CPEB3: variants seen among roughly 807,000 people sequenced by gnomAD.
CPEB3 encodes cytoplasmic polyadenylation element binding protein 3.
CPEB3 carries 20 observed loss-of-function variants against 67.2 expected under a neutral mutation model. The ratio of observed to expected loss-of-function variants is 0.30; its 90% CI spans 0.21 to 0.43. CPEB3 has a LOEUF of 0.43. Ranked by LOEUF, CPEB3 falls within the 20% of genes least tolerant of loss-of-function variation. The pLI, the probability that CPEB3 is intolerant of heterozygous loss-of-function variation, is 1.00. For missense variants in CPEB3, 746 were observed against 968.6 expected, an observed-to-expected ratio of 0.77 and a Z score of 3.05; for synonymous variants, 376 against 393.1, an observed-to-expected ratio of 0.96 and a Z score of 0.51.
chr10:92,224,914 A>T (rs537868585), intron 2 of CPEB3, among the ~76,000 whole-genome samples: 345 of 147,652 alleles, frequency 2.3e-3, no homozygotes, highest in Non-Finnish European at 4.2e-3. Flanking sequence ...TATTTTATAT[A>T]TTTAATAATT....
At chr10:92,259,994 C>G (rs1590560373) in intron 1 of CPEB3, among the ~76,000 whole-genome samples, 2 of 152,172 alleles carry the variant, frequency 1.3e-5, no homozygotes, top group East Asian at 3.8e-4. Flanking sequence ...GACCTAATTT[C>G]AGTTCTGCTT....
intron 2 of CPEB3, among the ~76,000 whole-genome samples, chr10:92,199,641 G>A (rs1314239405): frequency 2.4e-5 from 3 of 126,816 alleles, no homozygotes; most frequent in African/African-American, 6.3e-5. Flanking sequence ...CCGAGATCAC[G>A]CCACCGTACT....
chr10:92,281,038 G>A (rs1269670134), intron 1 of CPEB3, among the ~76,000 whole-genome samples: 1 of 151,836 alleles, frequency 6.6e-6, no homozygotes, highest in Non-Finnish European at 1.5e-5. Flanking sequence ...GGGATTACAG[G>A]CATGAACCAC....
chr10:92,066,189 T>C (rs966662559), intron 9 of CPEB3, among the ~76,000 whole-genome samples: 1 of 152,164 alleles, frequency 6.6e-6, no homozygotes, highest in African/African-American at 2.4e-5. Context: ...AAAGTTCTCC[T>C]TTTTAAAAAA....
At chr10:92,267,972 C>T (rs1853136199) in intron 1 of CPEB3, among the ~76,000 whole-genome samples, 1 of 152,092 alleles carries the variant, frequency 6.6e-6, no homozygotes, top group African/African-American at 2.4e-5. Context: ...GCACGCACCA[C>T]AATGCCCAGC....
chr10:92,069,916 G>A (rs1471485529), intron 9 of CPEB3, among the ~76,000 whole-genome samples: 2 of 152,130 alleles, frequency 1.3e-5, no homozygotes, highest in African/African-American at 4.8e-5. Flanking sequence ...AAATACTAAA[G>A]GGAATATCAA....
intron 6 of CPEB3, among the ~76,000 whole-genome samples, chr10:92,115,607 TTTAA>T (rs1358294729): frequency 1.3e-5 from 2 of 152,170 alleles, no homozygotes; most frequent in East Asian, 1.9e-4. Flanking sequence ...AAGTGAAACA[TTTAA>T]TTGTGTTCAT....
chr10:92,245,674 C>T (rs1220500181), intron 1 of CPEB3, among the ~76,000 whole-genome samples: 1 of 152,142 alleles, frequency 6.6e-6, no homozygotes, highest in East Asian at 1.9e-4. Flanking sequence ...AGGATCAACC[C>T]AAGGTTAATG....
intron 7 of CPEB3, among the ~76,000 whole-genome samples, chr10:92,094,360 T>C (rs1320843004): frequency 2.0e-5 from 3 of 150,254 alleles, no homozygotes; most frequent in Non-Finnish European, 3.0e-5. Context: ...CCCAGCACTT[T>C]GGGAGGCCGA....
intron 1 of CPEB3, among the ~76,000 whole-genome samples, chr10:92,260,444 G>C (rs967669908): frequency 6.6e-6 from 1 of 151,098 alleles, no homozygotes; most frequent in Admixed American, 6.6e-5. Flanking sequence ...CCAGCTACTC[G>C]GGAGGCTGAG....
At chr10:92,180,940 G>C (rs769292574) in intron 4 of CPEB3, 23 bp downstream of exon 4, 2 of 1,199,380 alleles carry the variant, frequency 1.7e-6, no homozygotes, top group Non-Finnish European at 2.5e-6. Context: ...TAATTTAATA[G>C]AATATTTCAT....
intron 1 of CPEB3, among the ~76,000 whole-genome samples, chr10:92,281,891 T>C (rs748933504): frequency 3.6e-4 from 55 of 152,212 alleles, no homozygotes; most frequent in Non-Finnish European, 6.8e-4. Flanking sequence ...GTGTAAATGC[T>C]AACGCAGTGA....
chr10:92,153,051 T>G lies in CPEB3; in HGVS notation c.1223-7966A>C, dbSNP rs1340420831. ...ACTATCATCTGTGCTCAAATTTTCC[T>G]ATTACTATGAGCAGTAACATTTTCA... On this transcript the variant is annotated intron_variant, in intron 4 of 9. Coordinates refer to ENST00000265997, the MANE Select transcript of CPEB3 (RefSeq NM_014912.5). Among the ~76,000 whole-genome samples, 3 of 152,342 alleles carry G rather than the reference T, an allele frequency of 2.0e-5. No individual in the cohort carries two copies. In the East Asian group the frequency reaches 5.8e-4, roughly 29 times the overall value.
At chr10:92,111,845 C>T (rs1252366546) in intron 6 of CPEB3, among the ~76,000 whole-genome samples, 2 of 152,132 alleles carry the variant, frequency 1.3e-5, no homozygotes, top group Non-Finnish European at 2.9e-5. Flanking sequence ...TTTGTTGACA[C>T]ACAAACACAC....
At chr10:92,129,718 C>A (rs1275391170) in intron 6 of CPEB3, among the ~76,000 whole-genome samples, 1 of 152,030 alleles carries the variant, frequency 6.6e-6, no homozygotes, top group African/African-American at 2.4e-5. Flanking sequence ...GAAAAAAAAT[C>A]CTTCAAGGCT....
At chr10:92,069,051 G>A (rs1482973182) in intron 9 of CPEB3, among the ~76,000 whole-genome samples, 2 of 152,194 alleles carry the variant, frequency 1.3e-5, no homozygotes, top group South Asian at 2.1e-4. Flanking sequence ...AAGGATAGGA[G>A]TAGAAATAGT....
At chr10:92,122,363 G>C (rs950816488) in intron 6 of CPEB3, among the ~76,000 whole-genome samples, 4 of 152,218 alleles carry the variant, frequency 2.6e-5, no homozygotes, top group African/African-American at 9.6e-5. Flanking sequence ...GAGTTCATTA[G>C]TTAGAGTATA....
At chr10:92,247,725 CTGG>C (rs1852130800) in intron 1 of CPEB3, among the ~76,000 whole-genome samples, 1 of 152,062 alleles carries the variant, frequency 6.6e-6, no homozygotes, top group Admixed American at 6.6e-5. Flanking sequence ...GTTCACCAGG[CTGG>C]TCTCGAACTC....
intron 1 of CPEB3, among the ~76,000 whole-genome samples, chr10:92,283,934 T>A (rs1842418020): frequency 6.6e-6 from 1 of 150,670 alleles, no homozygotes; most frequent in Non-Finnish European, 1.5e-5. Flanking sequence ...CACCATGTTG[T>A]CCAGGGTGGT....
Sources: allele counts gnomAD v4.1 joint callset (sites outside exome capture counted in the v4.1 genomes callset), GRCh38; gene constraint gnomAD v4.1.1; transcripts MANE v1.5; gene names NCBI Gene and HGNC (gene_info 2026-07-23, HGNC 2026-07-21).